Variants in CT55 observed in about 807,000 individuals in gnomAD.
The protein encoded by CT55 is BRCA2-interacting protein.
A neutral mutation model predicts 12.6 loss-of-function variants in CT55; 1 was observed. The ratio of observed to expected loss-of-function variants is 0.08; its 90% CI spans 0.03 to 0.38. The LOEUF is 0.38. Ranked by LOEUF, CT55 falls within the 10% of genes least tolerant of loss-of-function variation. CT55 has a pLI of 0.99. For missense variants in CT55, 109 were observed against 135.4 expected, an observed-to-expected ratio of 0.80 and a Z score of 0.97; for synonymous variants, 43 against 49.7, an observed-to-expected ratio of 0.87 and a Z score of 0.57.
In CT55 at chrX:135,158,205, C is replaced by T. The variant is rs2083545452; in HGVS notation, c.531G>A (p.Thr177=). The part of the protein sequence containing the change: ...TSVKPIRCIH[T]EEVCITSVHG... ...GCAACAGGAAAGAAATTACCTCTTCCGTATGAATACAACGGATGGGCTTCA... is the reference window on the plus strand; with the variant it reads ...GCAACAGGAAAGAAATTACCTCTTCTGTATGAATACAACGGATGGGCTTCA... Residue 177 remains threonine (T), a synonymous_variant, in exon 4 of 6, where the codon ACG becomes ACA. Coordinates refer to ENST00000276241, the MANE Select transcript of CT55 (RefSeq NM_001031705.3). 1.7e-6 allele frequency: 2 copies of T among 1,179,288 alleles called. No individual in the cohort carries two copies. Among genetic ancestry groups the T allele is most frequent in the Non-Finnish European group, 1.2e-6 (1 of 866,509 alleles).
intron 2 of CT55, among the ~76,000 whole-genome samples, chrX:135,163,609 G>A (rs2148443744): frequency 9.0e-6 from 1 of 111,210 alleles, no homozygotes. Context: ...ACATTCAAGA[G>A]GGAGGAGTGA....
chrX:135,169,361 T>A (rs1295184851), intron 2 of CT55, among the ~76,000 whole-genome samples: 1 of 112,555 alleles, frequency 8.9e-6, no homozygotes, highest in Non-Finnish European at 1.9e-5. Context: ...TTGTTACTCA[T>A]ATTGTTTAAA....
chrX:135,161,087 A>G (rs2083560456), intron 2 of CT55, among the ~76,000 whole-genome samples: 1 of 109,546 alleles, frequency 9.1e-6, no homozygotes, highest in African/African-American at 3.3e-5. Context: ...AGGGAGCAAA[A>G]CCCTAACATC....
At chrX:135,163,045 AG>A (rs1363422395) in intron 2 of CT55, among the ~76,000 whole-genome samples, 2 of 111,913 alleles carry the variant, frequency 1.8e-5, no homozygotes, top group Non-Finnish European at 3.8e-5. Context: ...AAGGACCAAA[AG>A]AGACCTATAT....
intron 2 of CT55, among the ~76,000 whole-genome samples, chrX:135,161,294 G>C (rs1205850407): frequency 4.5e-5 from 5 of 111,719 alleles, no homozygotes; most frequent in Non-Finnish European, 9.4e-5. Flanking sequence ...GTGTAAGCTT[G>C]TTATACTAAA....
In CT55 at chrX:135,169,672, G is replaced by C. The variant is rs782149979; in HGVS notation, c.201C>G (p.Asn67Lys). The change falls in exon 2 of 6, where the codon AAC becomes AAG. Residue 67 changes from asparagine to lysine, a missense_variant. By Grantham distance (94) the Asn-to-Lys change is moderately conservative. Coordinates refer to ENST00000276241, the MANE Select transcript of CT55 (RefSeq NM_001031705.3). Reference sequence around the variant, plus strand: ...CTTTTTGTCCAACTTTTAGAGGCACGTTGCCAGTCACAACATCACTACTGA... The same window carrying C: ...CTTTTTGTCCAACTTTTAGAGGCACCTTGCCAGTCACAACATCACTACTGA... ...IYFSSDVVTG[N>K]VPLKVGQKVN... 12 of 1,204,710 alleles carry C rather than the reference G, an allele frequency of 1.0e-5. No individual in the cohort carries two copies. Among genetic ancestry groups the C allele is most frequent in the Middle Eastern group, 2.3e-4 (1 of 4,362 alleles).
At chrX:135,169,083 A>G (rs1215597315) in intron 2 of CT55, among the ~76,000 whole-genome samples, 2 of 112,452 alleles carry the variant, frequency 1.8e-5, no homozygotes, top group Non-Finnish European at 3.8e-5. Flanking sequence ...ATAGAGCTAA[A>G]GAATAATTTC....
intron 4 of CT55, among the ~76,000 whole-genome samples, chrX:135,157,984 C>T (rs1485439803): frequency 1.1e-5 from 1 of 88,485 alleles, no homozygotes; most frequent in Non-Finnish European, 2.2e-5. Context: ...CAATTTAGAA[C>T]TTAATCATGT....
intron 3 of CT55, among the ~76,000 whole-genome samples, chrX:135,159,720 G>A (rs1209867534): frequency 1.8e-5 from 2 of 111,519 alleles, no homozygotes; most frequent in Non-Finnish European, 3.8e-5. Context: ...GACAGAGTCA[G>A]CATCGTCAAA....
At chrX:135,157,996 C>T (rs1242439476) in intron 4 of CT55, among the ~76,000 whole-genome samples, 1 of 92,445 alleles carries the variant, frequency 1.1e-5, no homozygotes, top group African/African-American at 4.0e-5. Flanking sequence ...TAATCATGTG[C>T]TTGTTCTATA....
Position 135,165,857 on chromosome X carries a change from G to A in CT55, c.279+3737C>T, listed in dbSNP as rs782687494. Among the ~76,000 whole-genome samples the A allele has an allele frequency of 7.3e-5, 8 of 109,022 alleles. No individual in the cohort carries two copies. In the East Asian group the frequency reaches 1.7e-3, roughly 23 times the overall value. The allele number at this position is 109,022 out of a possible 115,157, so 94.7% of individuals were successfully genotyped here. On this transcript the variant is annotated intron_variant, in intron 2 of 5. Coordinates refer to ENST00000276241, the MANE Select transcript of CT55 (RefSeq NM_001031705.3). ...CATTCCTGGACACATACAACCTACC[G>A]AGATGTAATGGTGAAGAAATGGAAA...
chrX:135,159,207 T>TTCTCTC (rs60230637), intron 3 of CT55, among the ~76,000 whole-genome samples: 16 of 100,594 alleles, frequency 1.6e-4, no homozygotes, highest in Middle Eastern at 5.2e-3. Context: ...GTTAGACCTG[T>TTCTCTC]TCTCTCTCTC....
chrX:135,163,848 T>C (rs2083572203), intron 2 of CT55, among the ~76,000 whole-genome samples: 1 of 111,579 alleles, frequency 9.0e-6, no homozygotes, highest in Middle Eastern at 4.6e-3. Flanking sequence ...AGTTCCAATA[T>C]GCCTACCAGA....
chrX:135,168,952 G>T (rs1556406378), intron 2 of CT55, among the ~76,000 whole-genome samples: 1 of 112,084 alleles, frequency 8.9e-6, no homozygotes, highest in Non-Finnish European at 1.9e-5. Flanking sequence ...CCAAATGAAT[G>T]ATGAGACTGC....
At chrX:135,171,810 T>C, upstream of CT55, among the ~76,000 whole-genome samples, 1 of 111,989 alleles carries the variant, frequency 8.9e-6, no homozygotes, top group East Asian at 2.8e-4. Flanking sequence ...AGTACGTGTC[T>C]TGTGTACTAG....
At chrX:135,165,848 C>A (rs1447037982) in intron 2 of CT55, among the ~76,000 whole-genome samples, 2 of 108,981 alleles carry the variant, frequency 1.8e-5, no homozygotes, top group African/African-American at 3.3e-5. Flanking sequence ...TGGACACATA[C>A]AACCTACCGA....
At chrX:135,163,090 T>C (rs1200859613) in intron 2 of CT55, among the ~76,000 whole-genome samples, 2 of 111,612 alleles carry the variant, frequency 1.8e-5, no homozygotes, top group African/African-American at 3.3e-5. Context: ...CTAAAGGATG[T>C]CCCCTAAAAG....
chrX:135,169,653 G>T lies in CT55; in HGVS notation c.220C>A (p.Gln74Lys). 3.3e-6 allele frequency: 4 copies of T among 1,207,369 alleles called. No individual in the cohort carries two copies. The highest frequency in any genetic ancestry group is 4.5e-6 in the Non-Finnish European group (4 of 892,986). Reference sequence around the variant, plus strand: ...TCTTCCACAACCACATTAACTTTTTGTCCAACTTTTAGAGGCACGTTGCCA... The same window carrying T: ...TCTTCCACAACCACATTAACTTTTTTTCCAACTTTTAGAGGCACGTTGCCA... ...VTGNVPLKVG[Q>K]KVNVVVEEDK... Residue 74 changes from glutamine to lysine, a missense_variant, in exon 2 of 6, where the codon CAA becomes AAA. Coordinates refer to ENST00000276241, the MANE Select transcript of CT55 (RefSeq NM_001031705.3).
chrX:135,170,788 T>C (rs4830333), intron 1 of CT55, among the ~76,000 whole-genome samples: 13 of 111,789 alleles, frequency 1.2e-4, no homozygotes, highest in Non-Finnish European at 2.1e-4. Context: ...GAAATATAAA[T>C]AGGCATGTGC....
Sources: gnomAD v4.1 joint callset for allele counts (sites outside exome capture counted in the v4.1 genomes callset) on GRCh38, gnomAD v4.1.1 for gene constraint, MANE v1.5 for transcripts, NCBI Gene and HGNC (gene_info 2026-07-23, HGNC 2026-07-21) for gene names.